Variants in DOK6 observed in about 807,000 individuals in gnomAD.
DOK6 encodes downstream of tyrosine kinase 6.
A neutral mutation model predicts 44.0 loss-of-function variants in DOK6; 22 were observed. That is an observed-to-expected ratio of 0.50 (90% CI 0.36 to 0.71). DOK6 has a LOEUF of 0.71. Among genes scored for constraint, DOK6 ranks in the 30% least tolerant of loss-of-function variants. DOK6 has a pLI of 0.00. For missense variants in DOK6, 340 were observed against 416.4 expected (o/e 0.82, Z 1.60); for synonymous variants, 166 against 145.5 (o/e 1.14, Z -1.01).
chr18:69,556,486 A>T (rs1982690149), intron 1 of DOK6, among the ~76,000 whole-genome samples: 1 of 152,102 alleles, frequency 6.6e-6, no homozygotes, highest in Non-Finnish European at 1.5e-5. Context: ...AAATTAAAAT[A>T]AAAAAAGCTA....
intron 1 of DOK6, among the ~76,000 whole-genome samples, chr18:69,416,817 A>G (rs759060081): frequency 9.9e-5 from 15 of 152,110 alleles, no homozygotes; most frequent in Non-Finnish European, 2.1e-4. Context: ...ATCACTTTGG[A>G]GTTGTGTATA....
intron 1 of DOK6, among the ~76,000 whole-genome samples, chr18:69,412,216 G>C (rs1008984241): frequency 2.6e-5 from 4 of 152,064 alleles, no homozygotes; most frequent in Non-Finnish European, 5.9e-5. Flanking sequence ...ATGGCTTTTT[G>C]TGGAGGTAGA....
chr18:69,411,169 A>G (rs1568248699), intron 1 of DOK6, among the ~76,000 whole-genome samples: 1 of 152,188 alleles, frequency 6.6e-6, no homozygotes, highest in Admixed American at 6.5e-5. Context: ...AGTGTTTGTT[A>G]AAAAGTTCTA....
intron 4 of DOK6, among the ~76,000 whole-genome samples, chr18:69,685,694 C>CA (rs1221461180): frequency 6.6e-6 from 1 of 152,064 alleles, no homozygotes; most frequent in Non-Finnish European, 1.5e-5. Flanking sequence ...AATGTACTGT[C>CA]AATTATAATT....
rs79414724 is a variant in DOK6 at position 69,631,504 on chromosome 18, G to C, written c.289+32006G>C. Among the ~76,000 whole-genome samples, 974 of 152,270 alleles carry C rather than the reference G, an allele frequency of 6.4e-3. 4 individuals carry two copies. The highest frequency in any genetic ancestry group is 9.7e-3 in the Non-Finnish European group (660 of 68,018). On this transcript the variant is annotated intron_variant, in intron 3 of 7. Coordinates refer to ENST00000382713, the MANE Select transcript of DOK6 (RefSeq NM_152721.6). ...ATCTGTCACTGTTCAACCTCAGTTT[G>C]GTCAGCTGAGTCATGTACAGTACAT...
chr18:69,705,216 G>A (rs1284671470), intron 5 of DOK6: 1 of 152,176 alleles, frequency 6.6e-6, no homozygotes, highest in Non-Finnish European at 1.5e-5. Context: ...TTGTAGTAGA[G>A]ATCTGAAGGT....
chr18:69,774,066 T>TATATATATGAGATAGATTTATATAG (rs1979969166), intron 7 of DOK6, among the ~76,000 whole-genome samples: 3 of 118,702 alleles, frequency 2.5e-5, no homozygotes, highest in Non-Finnish European at 5.6e-5. Flanking sequence ...TATATATAGA[T>TATATATATGAGATAGATTTATATAG]ATATATATAT....
chr18:69,697,132 A>ATT (rs77244235), intron 4 of DOK6, among the ~76,000 whole-genome samples: 12 of 151,378 alleles, frequency 7.9e-5, no homozygotes, highest in African/African-American at 2.7e-4. Context: ...TAATTCAAAT[A>ATT]TTTTTTTTGG....
At chr18:69,766,569 A>C (rs927247826) in intron 7 of DOK6, among the ~76,000 whole-genome samples, 4 of 152,216 alleles carry the variant, frequency 2.6e-5, no homozygotes, top group African/African-American at 9.6e-5. Flanking sequence ...ATAAAGAAGT[A>C]AGCTAGAGAA....
intron 7 of DOK6, among the ~76,000 whole-genome samples, chr18:69,806,603 T>C (rs542137032): frequency 6.6e-6 from 1 of 151,932 alleles, no homozygotes; most frequent in Non-Finnish European, 1.5e-5. Context: ...GGTCCATAAA[T>C]GCATTTTGAT....
At chr18:69,603,387 T>G (rs569657466) in intron 3 of DOK6, among the ~76,000 whole-genome samples, 1 of 152,308 alleles carries the variant, frequency 6.6e-6, no homozygotes, top group South Asian at 2.1e-4. Flanking sequence ...TTGTTACCAG[T>G]CTATAGATCA....
intron 1 of DOK6, among the ~76,000 whole-genome samples, chr18:69,562,321 T>G (rs2144596243): frequency 6.6e-6 from 1 of 152,026 alleles, no homozygotes; most frequent in South Asian, 2.1e-4. Flanking sequence ...ACGTGTCAGG[T>G]TTGTCAAAGA....
At chr18:69,510,997 C>A (rs1009752701) in intron 1 of DOK6, among the ~76,000 whole-genome samples, 3 of 152,010 alleles carry the variant, frequency 2.0e-5, no homozygotes, top group Admixed American at 6.5e-5. Flanking sequence ...GCAACACTGT[C>A]TTATTTATAA....
intron 2 of DOK6, among the ~76,000 whole-genome samples, chr18:69,582,714 G>A (rs1983399953): frequency 2.6e-5 from 4 of 152,086 alleles, no homozygotes; most frequent in South Asian, 2.1e-4. Flanking sequence ...TGAGTTTGAT[G>A]GAAACTTTGT....
chr18:69,807,856 A>T (rs1161061348), intron 7 of DOK6, among the ~76,000 whole-genome samples: 1 of 151,872 alleles, frequency 6.6e-6, no homozygotes, highest in African/African-American at 2.4e-5. Context: ...AAGAGACTGC[A>T]ATATCTTACT....
intron 1 of DOK6, among the ~76,000 whole-genome samples, chr18:69,433,683 A>G (rs1978869625): frequency 6.6e-6 from 1 of 152,098 alleles, no homozygotes; most frequent in African/African-American, 2.4e-5. Context: ...AAAAACAAAA[A>G]CAAAAAACAA....
chr18:69,535,255 A>G (rs1982091822), intron 1 of DOK6, among the ~76,000 whole-genome samples: 1 of 151,986 alleles, frequency 6.6e-6, no homozygotes, highest in Non-Finnish European at 1.5e-5. Context: ...AGTTTTTCTT[A>G]TATTTATTTC....
intron 1 of DOK6, among the ~76,000 whole-genome samples, chr18:69,498,624 C>T (rs1980962496): frequency 6.6e-6 from 1 of 151,952 alleles, no homozygotes; most frequent in South Asian, 2.1e-4. Context: ...ATAAGTTACC[C>T]CACAATTAAA....
At chr18:69,812,785 A>C (rs996886773) in intron 7 of DOK6, among the ~76,000 whole-genome samples, 1 of 152,124 alleles carries the variant, frequency 6.6e-6, no homozygotes, top group African/African-American at 2.4e-5. Flanking sequence ...AGGGGAATCA[A>C]GGCACCTTCT....
Sources: gnomAD v4.1 joint callset for allele counts (sites outside exome capture counted in the v4.1 genomes callset) on GRCh38, gnomAD v4.1.1 for gene constraint, MANE v1.5 for transcripts, NCBI Gene and HGNC (gene_info 2026-07-23, HGNC 2026-07-21) for gene names.